Variants in TMPRSS11F observed in about 807,000 individuals in gnomAD.
The protein encoded by TMPRSS11F is transmembrane protease serine 11F.
In TMPRSS11F, 47 loss-of-function variants were observed where a neutral mutation model predicts 60.2. The ratio of observed to expected loss-of-function variants is 0.78; its 90% CI spans 0.62 to 1.00. TMPRSS11F has a LOEUF of 1.00. Among genes scored for constraint, TMPRSS11F ranks in the 50% least tolerant of loss-of-function variants. The pLI is 0.00. For synonymous variants in TMPRSS11F, 166 were observed against 167.3 expected, an observed-to-expected ratio of 0.99 and a Z score of 0.06; for missense variants, 519 against 522.9, an observed-to-expected ratio of 0.99 and a Z score of 0.07.
At chr4:68,106,219 G>A (rs1724300126) in intron 1 of TMPRSS11F, among the ~76,000 whole-genome samples, 1 of 152,142 alleles carries the variant, frequency 6.6e-6, no homozygotes. Context: ...CACATCAAAA[G>A]AGTCCAATTT....
intron 1 of TMPRSS11F, among the ~76,000 whole-genome samples, chr4:68,105,381 G>A (rs78903952): frequency 0.036 from 5,427 of 152,006 alleles, 270 homozygotes; most frequent in African/African-American, 0.11. Context: ...GAAAACGTCC[G>A]TATATCCTCT....
chr4:68,105,402 T>C (rs897759376), intron 1 of TMPRSS11F, among the ~76,000 whole-genome samples: 1 of 152,138 alleles, frequency 6.6e-6, no homozygotes, highest in African/African-American at 2.4e-5. Context: ...AAACTAGTGA[T>C]GGGTTTTTAT....
chr4:68,101,463 T>C (rs1222078237), intron 1 of TMPRSS11F, among the ~76,000 whole-genome samples: 1 of 152,106 alleles, frequency 6.6e-6, no homozygotes, highest in African/African-American at 2.4e-5. Flanking sequence ...AAACAAAATA[T>C]ATTAAGTGCA....
At chr4:68,114,530 C>G (rs762080652) in intron 1 of TMPRSS11F, among the ~76,000 whole-genome samples, 4 of 151,972 alleles carry the variant, frequency 2.6e-5, no homozygotes, top group Non-Finnish European at 4.4e-5. Context: ...ACACAGATGT[C>G]TGAATAGTAC....
At chr4:68,100,777 A>C (rs936365850) in intron 1 of TMPRSS11F, among the ~76,000 whole-genome samples, 2 of 152,164 alleles carry the variant, frequency 1.3e-5, no homozygotes, top group Non-Finnish European at 2.9e-5. Context: ...TGTGTCACTA[A>C]TATCTGTTTA....
At position 68,068,692 on chromosome 4, in the gene TMPRSS11F, T is replaced by C; in HGVS notation, c.681A>G (p.Ile227Met). The C allele has an allele frequency of 6.2e-7, 1 of 1,614,204 alleles. No individual in the cohort carries two copies. The highest frequency in any genetic ancestry group is 8.5e-7 in the Non-Finnish European group (1 of 1,180,030). Reference protein sequence around the residue: ...EWPWQASLQLIGSGHQCGASL... With the variant: ...EWPWQASLQLMGSGHQCGASL... ...TGGCTCCACACTGATGGCCTGACCC[T>C]ATGAGCTGGAGGCTGGCCTGCCATG... The change falls in exon 7 of 10, where the codon ATA becomes ATG. Residue 227 changes from isoleucine to methionine, a missense_variant. Coordinates refer to ENST00000356291, the MANE Select transcript of TMPRSS11F (RefSeq NM_207407.2).
intron 1 of TMPRSS11F, among the ~76,000 whole-genome samples, chr4:68,114,244 A>C (rs1465088266): frequency 1.3e-5 from 2 of 151,920 alleles, no homozygotes; most frequent in Non-Finnish European, 2.9e-5. Context: ...AAGCAGAAAA[A>C]AGGAAATAAT....
chr4:68,065,023 C>G (rs1560393686), intron 7 of TMPRSS11F, 79 bp from the exon 8 acceptor site: 4 of 1,393,234 alleles, frequency 2.9e-6, no homozygotes, highest in Non-Finnish European at 3.9e-6. Context: ...TTCTTCCCAA[C>G]TGTCAGTATT....
chr4:68,104,388 G>A (rs960075944), intron 1 of TMPRSS11F, among the ~76,000 whole-genome samples: 1 of 152,120 alleles, frequency 6.6e-6, no homozygotes, highest in Non-Finnish European at 1.5e-5. Context: ...TGTCATAGGA[G>A]GGACCTGGTG....
At chr4:68,098,304 C>CA (rs1418322200) in intron 2 of TMPRSS11F, among the ~76,000 whole-genome samples, 44 of 149,738 alleles carry the variant, frequency 2.9e-4, no homozygotes, top group East Asian at 5.9e-4. Flanking sequence ...GAATCTGTCT[C>CA]AAAAAAAAAG....
At chr4:68,119,428 T>C (rs1471214884) in intron 1 of TMPRSS11F, among the ~76,000 whole-genome samples, 1 of 152,226 alleles carries the variant, frequency 6.6e-6, no homozygotes, top group Non-Finnish European at 1.5e-5. Flanking sequence ...GCAACTTTCA[T>C]AGCTAGAGAG....
intron 1 of TMPRSS11F, among the ~76,000 whole-genome samples, chr4:68,118,532 T>C (rs1279755993): frequency 6.6e-6 from 1 of 152,208 alleles, no homozygotes; most frequent in Non-Finnish European, 1.5e-5. Context: ...ATATACTAAT[T>C]ACAATATATT....
In TMPRSS11F at chr4:68,062,083, T is replaced by C. The variant is rs546362825; in HGVS notation, c.1015+2602A>G. The C allele has an allele frequency of 1.3e-3, 602 of 450,756 alleles. 3 individuals are homozygous for C. Among genetic ancestry groups the C allele is most frequent in the Non-Finnish European group, 2.3e-3 (512 of 225,844 alleles). 27.9% of individuals were successfully genotyped at this position (450,756 alleles called of 1,614,324 possible). On this transcript the variant is annotated intron_variant, in intron 8 of 9. Transcript: ENST00000356291. The stretch of plus-strand genomic sequence containing the variant: ...CCATTAGATATGACTTACGATAGGG[T>C]TGGAGGACTACTTTTTCATATTAAA...
chr4:68,057,282 CAAAAA>C (rs869035642), intron 9 of TMPRSS11F, among the ~76,000 whole-genome samples: 2 of 56,960 alleles, frequency 3.5e-5, no homozygotes, highest in African/African-American at 5.7e-5. Flanking sequence ...GAGACTGTCT[CAAAAA>C]AAAAAAAAAA....
chr4:68,109,315 T>C (rs974148699), intron 1 of TMPRSS11F, among the ~76,000 whole-genome samples: 1 of 152,174 alleles, frequency 6.6e-6, no homozygotes, highest in Admixed American at 6.5e-5. Flanking sequence ...AAATCACTTA[T>C]ACATTTACAG....
At chr4:68,108,668 A>G (rs889597948) in intron 1 of TMPRSS11F, among the ~76,000 whole-genome samples, 1 of 152,120 alleles carries the variant, frequency 6.6e-6, no homozygotes, top group Non-Finnish European at 1.5e-5. Context: ...TCCAATATAT[A>G]CAACTCCTGG....
chr4:68,079,085 G>A (rs914775231), intron 3 of TMPRSS11F, among the ~76,000 whole-genome samples: 1 of 83,646 alleles, frequency 1.2e-5, no homozygotes, highest in African/African-American at 3.2e-5. Context: ...GTACAATACT[G>A]GTGTGACCTT....
chr4:68,104,014 C>T (rs531184202), intron 1 of TMPRSS11F, among the ~76,000 whole-genome samples: 3 of 152,202 alleles, frequency 2.0e-5, no homozygotes, highest in Non-Finnish European at 4.4e-5. Context: ...TACCCCGCAA[C>T]GTTATAAAAT....
chr4:68,122,351 A>T (rs553444079), intron 1 of TMPRSS11F, among the ~76,000 whole-genome samples: 2 of 152,170 alleles, frequency 1.3e-5, no homozygotes, highest in Non-Finnish European at 2.9e-5. Flanking sequence ...ATGAAAATCC[A>T]TTAATTTATT....
Sources: gnomAD v4.1 joint callset for allele counts (sites outside exome capture counted in the v4.1 genomes callset) on GRCh38, gnomAD v4.1.1 for gene constraint, MANE v1.5 for transcripts, NCBI Gene and HGNC (gene_info 2026-07-23, HGNC 2026-07-21) for gene names.